The following CHST9 variants were observed in gnomAD, a reference collection of about 807,000 sequenced individuals.
The protein encoded by CHST9 is GalNAc-4-sulfotransferase 2.
In CHST9, 41 loss-of-function variants were observed where a neutral mutation model predicts 44.4. The observed-to-expected ratio is 0.92, with a 90% CI of 0.72 to 1.20. CHST9 has a LOEUF of 1.20. CHST9 is among the 50% of genes most tolerant of loss of function. The pLI, the probability that CHST9 is intolerant of heterozygous loss-of-function variation, is 0.00. For missense variants in CHST9, 504 were observed against 516.5 expected (o/e 0.98, Z 0.23); for synonymous variants, 171 against 178.4 (o/e 0.96, Z 0.33).
intron 2 of CHST9, among the ~76,000 whole-genome samples, chr18:27,075,559 T>C (rs72882371): frequency 0.067 from 10,263 of 152,308 alleles, 420 homozygotes; most frequent in East Asian, 0.14. Context: ...GTGGAATTCA[T>C]GTGAACACAG....
intron 2 of CHST9, among the ~76,000 whole-genome samples, chr18:27,074,520 C>A (rs943685313): frequency 3.9e-5 from 6 of 152,018 alleles, no homozygotes. Context: ...ATCCTTCCCC[C>A]GTCTGTCAAA....
rs576721663 is a variant in CHST9, at chr18:26,944,664, G to A, written c.203-298C>T. 2.8e-4 allele frequency among the ~76,000 whole-genome samples: 42 copies of A among 152,238 alleles called. 1 individual carries two copies. Among genetic ancestry groups the A allele is most frequent in the African/African-American group, 9.1e-4 (38 of 41,536 alleles). On this transcript the variant is annotated intron_variant, in intron 4 of 5. Transcript: ENST00000618847. The stretch of plus-strand genomic sequence containing the variant: ...AAATGATGAAGAGATGAAAAGGACC[G>A]AAGAAAAATTTGAACAACAGCCAGT...
chr18:26,922,883 G>A (rs770136829), intron 5 of CHST9, among the ~76,000 whole-genome samples: 9 of 152,130 alleles, frequency 5.9e-5, no homozygotes, highest in East Asian at 3.9e-4. Context: ...TGATCCAGCC[G>A]CCTCGGCCTC....
At chr18:27,066,178 G>C (rs568135840) in intron 2 of CHST9, among the ~76,000 whole-genome samples, 1 of 152,340 alleles carries the variant, frequency 6.6e-6, no homozygotes, top group South Asian at 2.1e-4. Flanking sequence ...CTGCAACGCA[G>C]CTATTACTTA....
At chr18:27,018,372 T>G (rs1598643225) in intron 4 of CHST9, among the ~76,000 whole-genome samples, 1 of 152,312 alleles carries the variant, frequency 6.6e-6, no homozygotes, top group East Asian at 1.9e-4. Context: ...ATAGCTAAAT[T>G]AACTGCAGGG....
chr18:27,001,201 A>G (rs16943149), intron 4 of CHST9, among the ~76,000 whole-genome samples: 2,926 of 152,334 alleles, frequency 0.019, 110 homozygotes, highest in African/African-American at 0.067. Context: ...GTGTGTGCAT[A>G]TAAGTAGATT....
At chr18:27,000,622 G>GACTA (rs1555675553) in intron 4 of CHST9, among the ~76,000 whole-genome samples, 1 of 147,490 alleles carries the variant, frequency 6.8e-6, no homozygotes, top group Non-Finnish European at 1.5e-5. Flanking sequence ...TATTTGTTTT[G>GACTA]TCTATCTATC....
rs763054170 is a variant in CHST9 at position 27,142,814 on chromosome 18, C to G, written c.-5G>C. The G allele has an allele frequency of 1.9e-6, 3 of 1,597,432 alleles. No individual in the cohort carries two copies. Among genetic ancestry groups the G allele is most frequent in the East Asian group, 4.5e-5 (2 of 44,566 alleles). Reference sequence around the variant, plus strand: ...GACCATTTCAGATGGCTGCATTTCTCCTTATTTCAGAATCTGAAGACCACA... The same window carrying G: ...GACCATTTCAGATGGCTGCATTTCTGCTTATTTCAGAATCTGAAGACCACA... On this transcript the variant is annotated 5_prime_UTR_variant, in exon 2 of 6. Transcript: ENST00000618847.
intron 2 of CHST9, among the ~76,000 whole-genome samples, chr18:27,086,242 C>T (rs2058011205): frequency 6.6e-6 from 1 of 152,152 alleles, no homozygotes; most frequent in South Asian, 2.1e-4. Context: ...CAAACCTGCA[C>T]ATGTAACCCC....
chr18:26,927,503 G>T (rs564671924), intron 5 of CHST9, among the ~76,000 whole-genome samples: 1 of 152,176 alleles, frequency 6.6e-6, no homozygotes, highest in Admixed American at 6.5e-5. Context: ...GTAACAGTGG[G>T]GAGAGGGTCA....
At chr18:27,127,265 G>T (rs1214586632) in intron 2 of CHST9, among the ~76,000 whole-genome samples, 2 of 152,148 alleles carry the variant, frequency 1.3e-5, no homozygotes, top group Non-Finnish European at 2.9e-5. Flanking sequence ...ATATCTAAGG[G>T]ATGAGAAAAG....
intron 4 of CHST9, among the ~76,000 whole-genome samples, chr18:26,995,933 GA>G (rs2056883177): frequency 6.6e-6 from 1 of 152,196 alleles, no homozygotes; most frequent in South Asian, 2.1e-4. Flanking sequence ...CCTCTTAAGA[GA>G]GAGCTAAAAG....
At chr18:27,035,134 A>T (rs1420964918) in intron 3 of CHST9, among the ~76,000 whole-genome samples, 2 of 152,112 alleles carry the variant, frequency 1.3e-5, no homozygotes, top group Non-Finnish European at 2.9e-5. Flanking sequence ...GTGTATTAGG[A>T]TTCCCTTTTC....
intron 4 of CHST9, among the ~76,000 whole-genome samples, chr18:27,022,206 G>A (rs1273102775): frequency 3.3e-5 from 5 of 152,096 alleles, no homozygotes; most frequent in Non-Finnish European, 7.3e-5. Flanking sequence ...ACTGAGTTTC[G>A]AACTTGTGTC....
chr18:27,019,689 C>CAAAAAAAAAAAAAAAAA (rs60043018), intron 4 of CHST9, among the ~76,000 whole-genome samples: 1 of 91,300 alleles, frequency 1.1e-5, no homozygotes. Flanking sequence ...CACTACATGG[C>CAAAAAAAAAAAAAAAAA]AAAAAAAAAA....
At chr18:27,169,442 C>T (rs1310882796) in intron 1 of CHST9, among the ~76,000 whole-genome samples, 2 of 152,146 alleles carry the variant, frequency 1.3e-5, no homozygotes, top group Admixed American at 6.5e-5. Flanking sequence ...CTAAATCCAT[C>T]GTCAGCATTT....
At chr18:26,991,818 G>A (rs76714075) in intron 4 of CHST9, among the ~76,000 whole-genome samples, 2,225 of 127,390 alleles carry the variant, frequency 0.017, 406 homozygotes, top group African/African-American at 0.055. Context: ...GTAATAGGGT[G>A]TTCATTGATG....
At chr18:26,937,037 G>T (rs2056006359) in intron 5 of CHST9, among the ~76,000 whole-genome samples, 1 of 152,034 alleles carries the variant, frequency 6.6e-6, no homozygotes, top group African/African-American at 2.4e-5. Flanking sequence ...GAAACACAAA[G>T]AAAACATTTT....
chr18:27,129,139 TGTACTTTC>T (rs1240137179), intron 2 of CHST9, among the ~76,000 whole-genome samples: 22 of 151,618 alleles, frequency 1.5e-4, no homozygotes, highest in African/African-American at 5.1e-4. Flanking sequence ...ACACACAAAA[TGTACTTTC>T]AAGTTTCTGT....
Sources: gnomAD v4.1 joint callset for allele counts (sites outside exome capture counted in the v4.1 genomes callset) on GRCh38, gnomAD v4.1.1 for gene constraint, MANE v1.5 for transcripts, NCBI Gene and HGNC (gene_info 2026-07-23, HGNC 2026-07-21) for gene names.